GCLC: variants seen among roughly 807,000 people sequenced by gnomAD.
GCLC encodes the protein glutamate--cysteine ligase catalytic subunit.
GCLC carries 30 observed loss-of-function variants against 81.5 expected under a neutral mutation model. The observed-to-expected ratio is 0.37, with a 90% CI of 0.28 to 0.50. The LOEUF is 0.50. GCLC is among the 20% of genes least tolerant of loss of function. The probability of loss-of-function intolerance (pLI) is 0.96; values close to 1 mark genes in which losing one functional copy is unlikely to be tolerated. For synonymous variants in GCLC, 262 were observed against 273.3 expected, an observed-to-expected ratio of 0.96 and a Z score of 0.41; for missense variants, 556 against 777.4, an observed-to-expected ratio of 0.72 and a Z score of 3.39.
Position 53,500,039 on chromosome 6 carries a change from T to C in GCLC, c.1702+6A>G, listed in dbSNP as rs768052047. ...ATTATGAGATTAAGAAAAATAGATA[T>C]CATACCAGATGCTCTCTTCTTAATT... On this transcript the variant is annotated splice_donor_region_variant and intron_variant, in intron 15 of 15. Transcript: ENST00000650454. 6.3e-7 allele frequency: 1 copy of C among 1,581,630 alleles called. No individual in the cohort carries two copies. Among genetic ancestry groups the C allele is most frequent in the Admixed American group, 1.7e-5 (1 of 59,984 alleles).
rs187884447 is a variant in GCLC, at chr6:53,504,784, G to A, written c.1395+608C>T. Among the ~76,000 whole-genome samples, 608 of 152,192 alleles carry A rather than the reference G, an allele frequency of 4.0e-3. 6 individuals are homozygous for A. The highest frequency in any genetic ancestry group is 0.014 in the African/African-American group (587 of 41,518). On this transcript the variant is annotated intron_variant, in intron 12 of 15. Coordinates refer to ENST00000650454, the MANE Select transcript of GCLC (RefSeq NM_001498.4). ...CCCTACTTCTCCATTCTCTGGCCCC[G>A]AAACCCTCAACCAGGAACCCCTGCG...
intron 1 of GCLC, among the ~76,000 whole-genome samples, chr6:53,524,284 C>T (rs1237171519): frequency 1.3e-5 from 2 of 152,172 alleles, no homozygotes; most frequent in African/African-American, 4.8e-5. Flanking sequence ...TGAAGCCAGC[C>T]CCGTCTGGCC....
rs763335992 is a variant in GCLC, at chr6:53,505,423, T to C, written c.1364A>G (p.Tyr455Cys). 2 of 1,598,100 alleles carry C rather than the reference T, an allele frequency of 1.3e-6. No homozygotes were observed. Among genetic ancestry groups the C allele is most frequent in the Non-Finnish European group, 1.7e-6 (2 of 1,165,782 alleles). The part of the protein sequence containing the change: ...VVLLTRVILS[Y>C]KLDFLIPLSK... ...CAGTGGAATGAGAAAATCCAATTTG[T>C]AGGAAAGGATCACTCTGGTGAGCAG... The change falls in exon 12 of 16, where the codon TAC (tyrosine) becomes TGC (cysteine). Residue 455 changes from tyrosine to cysteine, a missense_variant. By Grantham distance (194) the Tyr-to-Cys change is radical. Transcript: ENST00000650454.
chr6:53,530,940 T>G (rs952414379), intron 1 of GCLC, among the ~76,000 whole-genome samples: 1 of 152,228 alleles, frequency 6.6e-6, no homozygotes, highest in African/African-American at 2.4e-5. Flanking sequence ...CTTTTCCTCC[T>G]GCCTATTTGG....
chr6:53,505,955 T>C, intron 10 of GCLC, 60 bp from the exon 11 acceptor site: 3 of 916,172 alleles, frequency 3.3e-6, no homozygotes, highest in Non-Finnish European at 5.5e-6. Context: ...AATATTAAGA[T>C]GATCTGGTAT....
At chr6:53,543,045 G>A (rs1763386985) in intron 1 of GCLC, among the ~76,000 whole-genome samples, 1 of 152,054 alleles carries the variant, frequency 6.6e-6, no homozygotes, top group Admixed American at 6.6e-5. Context: ...GTCAAACTTT[G>A]AACTGCTCTA....
At chr6:53,537,613 C>T (rs1381914122) in intron 1 of GCLC, among the ~76,000 whole-genome samples, 2 of 132,884 alleles carry the variant, frequency 1.5e-5, no homozygotes, top group African/African-American at 6.2e-5. Context: ...GACCCTGTCT[C>T]AAAATAAATA....
chr6:53,521,082 C>T (rs2127625150), intron 2 of GCLC, 122 bp from the exon 3 acceptor site: 1 of 776,596 alleles, frequency 1.3e-6, no homozygotes, highest in Non-Finnish European at 2.3e-6. Context: ...CTAAGAAGTC[C>T]TTCACAGTTC....
intron 1 of GCLC, among the ~76,000 whole-genome samples, chr6:53,540,705 A>AC (rs58342057): frequency 7.3e-5 from 11 of 150,802 alleles, no homozygotes; most frequent in African/African-American, 9.8e-5. Context: ...ACACACACAC[A>AC]AAAGTCCTGG....
At chr6:53,499,011 GTT>G (rs17880610) in intron 15 of GCLC, 44 bp from the exon 16 acceptor site, 5 of 1,106,230 alleles carry the variant, frequency 4.5e-6, no homozygotes, top group Non-Finnish European at 6.8e-6. Flanking sequence ...AACCACGTAA[GTT>G]TTTTTTTTAA....
At position 53,506,965 on chromosome 6, in the gene GCLC, A is replaced by T. The variant is rs1267840122; in HGVS notation, c.1145T>A (p.Leu382Gln). 6.2e-7 allele frequency: 1 copy of T among 1,611,768 alleles called. No individual in the cohort carries two copies. The highest frequency in any genetic ancestry group is 2.2e-5 in the East Asian group (1 of 44,868). Residue 382 changes from leucine (L) to glutamine (Q), a missense_variant, in exon 10 of 16, where the codon CTG becomes CAG. By Grantham distance (113) the Leu-to-Gln change is moderately radical. Coordinates refer to ENST00000650454, the MANE Select transcript of GCLC (RefSeq NM_001498.4). This position sits in a 1 kb window ranked among gnomAD's most constrained non-coding sequence, Gnocchi z 4.0. ...AHLFIRDPLT[L>Q]FEEKIHLDDA... ...ATCCAGGTGTATTTTCTCTTCAAACAGTGTCAGTGGGTCTCTAATAAAGAG... is the reference window on the plus strand; with the variant it reads ...ATCCAGGTGTATTTTCTCTTCAAACTGTGTCAGTGGGTCTCTAATAAAGAG...
At chr6:53,535,978 T>C (rs187090956) in intron 1 of GCLC, among the ~76,000 whole-genome samples, 7 of 152,246 alleles carry the variant, frequency 4.6e-5, no homozygotes, top group Non-Finnish European at 7.3e-5. Context: ...AGTCCATACA[T>C]ACAAACTTGT....
In GCLC at chr6:53,498,550, T is replaced by C; in HGVS notation, c.*206A>G. ...TAGATATGTTATTAAAATACATTGT[T>C]AATCAAAAATACTTTACTATGTACA... On this transcript the variant is annotated 3_prime_UTR_variant, in exon 16 of 16. Coordinates refer to ENST00000650454, the MANE Select transcript of GCLC (RefSeq NM_001498.4). The C allele has an allele frequency of 3.4e-6, 2 of 581,172 alleles. No individual in the cohort carries two copies. Among genetic ancestry groups the C allele is most frequent in the Admixed American group, 3.1e-5 (1 of 32,652 alleles). 36.0% of individuals were successfully genotyped at this position (581,172 alleles called of 1,614,324 possible).
At chr6:53,530,354 G>A (rs1763151237) in intron 1 of GCLC, among the ~76,000 whole-genome samples, 2 of 152,222 alleles carry the variant, frequency 1.3e-5, no homozygotes, top group Non-Finnish European at 2.9e-5. Context: ...CCCACCAACA[G>A]AGTAACTGTA....
chr6:53,522,465 C>T lies in GCLC; in HGVS notation c.213G>A (p.Gly71=). ...CTTGCAGAGTTTCAAGAACTTTCTC[C>T]CCAGACAGGACCAACCGGACTTTTT... ...ENKKVRLVLS[G]EKVLETLQEK... The change falls in exon 2 of 16, where the codon GGG becomes GGA. Residue 71 remains glycine (G), a synonymous_variant. Coordinates refer to ENST00000650454, the MANE Select transcript of GCLC (RefSeq NM_001498.4). 1.2e-6 allele frequency: 2 copies of T among 1,612,948 alleles called. No homozygotes were observed. The highest frequency in any genetic ancestry group is 1.7e-6 in the Non-Finnish European group (2 of 1,178,986).
rs1049949857 is a variant in GCLC at position 53,499,756 on chromosome 6, A to T, written c.1702+289T>A. Among the ~76,000 whole-genome samples, 8 of 152,334 alleles carry T rather than the reference A, an allele frequency of 5.3e-5. No individual in the cohort carries two copies. The East Asian group carries it at 1.5e-3, about 29-fold the overall frequency. ...AAGGGCCCATGATGATGTAAGATCAACACAGTTGGACGTAAATGATAAGTA... is the reference window on the plus strand; with the variant it reads ...AAGGGCCCATGATGATGTAAGATCATCACAGTTGGACGTAAATGATAAGTA... On this transcript the variant is annotated intron_variant, in intron 15 of 15. Coordinates refer to ENST00000650454, the MANE Select transcript of GCLC (RefSeq NM_001498.4).
chr6:53,526,553 C>A (rs1453401194), intron 1 of GCLC, among the ~76,000 whole-genome samples: 1 of 152,026 alleles, frequency 6.6e-6, no homozygotes, highest in East Asian at 1.9e-4. Flanking sequence ...AATCCCAGCA[C>A]TTTGGGAGGC....
At chr6:53,514,525 T>C in intron 4 of GCLC, 28 bp from the exon 5 acceptor site, 2 of 1,551,490 alleles carry the variant, frequency 1.3e-6, no homozygotes, top group South Asian at 1.1e-5. Context: ...ACGTCATAAA[T>C]TGGTCACCTA....
chr6:53,508,478 C>T (rs17881410), intron 8 of GCLC, 117 bp downstream of exon 8: 13,132 of 775,236 alleles, frequency 0.017, 179 homozygotes, highest in Middle Eastern at 0.075. Flanking sequence ...TAGACCAAAT[C>T]TTTTTCCCCA....
Sources: gnomAD v4.1 joint callset for allele counts (sites outside exome capture counted in the v4.1 genomes callset) on GRCh38, gnomAD v4.1.1 for gene constraint, Gnocchi (gnomAD v3.1) non-coding constraint, MANE v1.5 for transcripts, NCBI Gene and HGNC (gene_info 2026-07-23, HGNC 2026-07-21) for gene names.